IQSEC3: variants seen among roughly 807,000 people sequenced by gnomAD.
The protein encoded by IQSEC3 is IQ motif and Sec7 domain ArfGEF 3.
IQSEC3 carries 50 observed loss-of-function variants against 105.4 expected under a neutral mutation model. The observed-to-expected ratio is 0.47, with a 90% CI of 0.38 to 0.60. IQSEC3 has a LOEUF of 0.60. Among genes scored for constraint, IQSEC3 ranks in the 20% least tolerant of loss-of-function variants. The probability of loss-of-function intolerance (pLI) is 0.00; values close to 1 mark genes in which losing one functional copy is unlikely to be tolerated. For missense variants in IQSEC3, 1,415 were observed against 1,630.0 expected, an observed-to-expected ratio of 0.87 and a Z score of 2.27; for synonymous variants, 708 against 746.0, an observed-to-expected ratio of 0.95 and a Z score of 0.83.
intron 2 of IQSEC3, among the ~76,000 whole-genome samples, chr12:105,245 G>C (rs1486861350): frequency 6.6e-6 from 1 of 152,248 alleles, no homozygotes; most frequent in Admixed American, 6.5e-5. Flanking sequence ...TGGTTGGTTG[G>C]GAGAGGTCTT....
intron 3 of IQSEC3, among the ~76,000 whole-genome samples, chr12:126,572 TGCGCTTAGAGAAAG>T (rs1865420747): frequency 1.3e-5 from 2 of 151,378 alleles, no homozygotes; most frequent in African/African-American, 2.4e-5. Context: ...TGTGTGTGTG[TGCGCTTAGAGAAAG>T]GTGTGATGGT....
chr12:127,978 G>C (rs1367848488), intron 3 of IQSEC3, among the ~76,000 whole-genome samples: 2 of 152,174 alleles, frequency 1.3e-5, no homozygotes, highest in Non-Finnish European at 2.9e-5. Context: ...GAGCTGTATG[G>C]CCTTGGGCAA....
chr12:152,048 T>C lies in IQSEC3; in HGVS notation c.2154-4977T>C, dbSNP rs557846279. Among the ~76,000 whole-genome samples the C allele has an allele frequency of 1.3e-5, 2 of 152,220 alleles. No homozygotes were observed. Among genetic ancestry groups the C allele is most frequent in the South Asian group, 4.2e-4 (2 of 4,802 alleles). Reference sequence around the variant, plus strand: ...TGACTCTGTGTTCAATGCCTGTCTCTCCCACCAAGACAGAGACTGTGTTGC... The same window carrying C: ...TGACTCTGTGTTCAATGCCTGTCTCCCCCACCAAGACAGAGACTGTGTTGC... On this transcript the variant is annotated intron_variant, in intron 5 of 13. Coordinates refer to ENST00000538872, the MANE Select transcript of IQSEC3 (RefSeq NM_001170738.2). The surrounding 1 kb of genome is among the most constrained non-coding windows in gnomAD (Gnocchi z 4.8).
intron 5 of IQSEC3, among the ~76,000 whole-genome samples, chr12:145,548 A>T (rs533505220): frequency 2.6e-5 from 4 of 152,250 alleles, no homozygotes; most frequent in Non-Finnish European, 2.9e-5. Context: ...CAGGTCTACT[A>T]GGCAGACAAT....
chr12:171,361 G>C lies in IQSEC3; in HGVS notation c.3114+200G>C, dbSNP rs200492047. 600 of 1,576,884 alleles carry C rather than the reference G, an allele frequency of 3.8e-4. 4 individuals are homozygous for C. The South Asian group carries it at 6.4e-3, about 17-fold the overall frequency. On this transcript the variant is annotated intron_variant, in intron 13 of 13. Transcript: ENST00000538872. ...CTGTTCCAGCGCCTAATTAAGCCACGAGCTCTTTCTCCCCTTTCCCCAGCC... is the reference window on the plus strand; with the variant it reads ...CTGTTCCAGCGCCTAATTAAGCCACCAGCTCTTTCTCCCCTTTCCCCAGCC...
intron 1 of IQSEC3, among the ~76,000 whole-genome samples, chr12:72,026 C>T (rs1259691457): frequency 6.6e-6 from 1 of 152,286 alleles, no homozygotes; most frequent in African/African-American, 2.4e-5. Flanking sequence ...AAAAATAATG[C>T]ATTTAAGAGA....
At chr12:99,878 T>C (rs958825418) in intron 2 of IQSEC3, among the ~76,000 whole-genome samples, 2 of 152,188 alleles carry the variant, frequency 1.3e-5, no homozygotes, top group Non-Finnish European at 2.9e-5. Flanking sequence ...TCTGCCTCTG[T>C]CTCTCTGCCC....
chr12:78,553 C>T (rs1863638671), intron 1 of IQSEC3, among the ~76,000 whole-genome samples: 1 of 151,926 alleles, frequency 6.6e-6, no homozygotes, highest in African/African-American at 2.4e-5. Context: ...TTGGCCTTCT[C>T]ATGTTTATGT....
chr12:166,019 C>T (rs946399182), intron 11 of IQSEC3, 129 bp downstream of exon 11: 6 of 938,616 alleles, frequency 6.4e-6, no homozygotes, highest in Non-Finnish European at 9.4e-6. Context: ...GTCCAGGCCC[C>T]ACCGCACCAC....
chr12:99,432 A>T (rs1476108538), intron 2 of IQSEC3, among the ~76,000 whole-genome samples: 2 of 152,184 alleles, frequency 1.3e-5, no homozygotes, highest in Non-Finnish European at 2.9e-5. Flanking sequence ...TGCCCTGTCG[A>T]TCACACCCCA....
chr12:75,927 T>C (rs1230500919), intron 1 of IQSEC3, among the ~76,000 whole-genome samples: 1 of 152,188 alleles, frequency 6.6e-6, no homozygotes, highest in Non-Finnish European at 1.5e-5. Flanking sequence ...GTGAGACGGA[T>C]GAGGGGTGAG....
intron 7 of IQSEC3, among the ~76,000 whole-genome samples, chr12:159,874 C>T (rs148481501): frequency 1.3e-5 from 2 of 152,320 alleles, no homozygotes; most frequent in East Asian, 3.9e-4. Context: ...TGGTGGATCT[C>T]CTAGTCTGAT....
At chr12:82,253 T>C (rs1482169142) in intron 1 of IQSEC3, among the ~76,000 whole-genome samples, 2 of 152,172 alleles carry the variant, frequency 1.3e-5, no homozygotes, top group African/African-American at 4.8e-5. Flanking sequence ...GAGGGATACA[T>C]TGTGGGTGAA....
intron 2 of IQSEC3, among the ~76,000 whole-genome samples, chr12:124,432 G>A (rs1439079290): frequency 6.6e-6 from 1 of 151,292 alleles, no homozygotes; most frequent in African/African-American, 2.4e-5. Context: ...TTTATTTACT[G>A]AGCACATACT....
intron 1 of IQSEC3, among the ~76,000 whole-genome samples, chr12:98,835 C>T (rs1213364967): frequency 3.9e-5 from 6 of 152,162 alleles, no homozygotes; most frequent in Middle Eastern, 3.2e-3. Context: ...GGTACATGCA[C>T]GCGAAAGAGC....
chr12:129,913 A>G (rs1186561106), intron 3 of IQSEC3, among the ~76,000 whole-genome samples: 8 of 152,088 alleles, frequency 5.3e-5, no homozygotes, highest in Admixed American at 3.9e-4. Flanking sequence ...TTTCTAAGTC[A>G]CTTTCCCTCT....
intron 1 of IQSEC3, among the ~76,000 whole-genome samples, chr12:84,100 G>T (rs1432749469): frequency 6.6e-6 from 1 of 152,184 alleles, no homozygotes; most frequent in Non-Finnish European, 1.5e-5. Flanking sequence ...AGTCCCCTGT[G>T]GTGTGGGAAG....
intron 7 of IQSEC3, among the ~76,000 whole-genome samples, chr12:158,781 C>G (rs1866786405): frequency 6.6e-6 from 1 of 152,184 alleles, no homozygotes; most frequent in Admixed American, 6.5e-5. Context: ...GGCTCAGCCT[C>G]CCAAGTAGCC....
intron 2 of IQSEC3, among the ~76,000 whole-genome samples, chr12:113,223 A>C (rs565399390): frequency 6.6e-6 from 1 of 152,184 alleles, no homozygotes; most frequent in South Asian, 2.1e-4. Flanking sequence ...TCGATACTGC[A>C]TTTTCCGAGT....
Sources: gnomAD v4.1 joint callset for allele counts (sites outside exome capture counted in the v4.1 genomes callset) on GRCh38, gnomAD v4.1.1 for gene constraint, Gnocchi (gnomAD v3.1) non-coding constraint, MANE v1.5 for transcripts, NCBI Gene and HGNC (gene_info 2026-07-23, HGNC 2026-07-21) for gene names.